Variants in MAMDC2 observed in about 807,000 individuals in gnomAD.
MAMDC2 encodes the protein MAM domain-containing protein 2.
A neutral mutation model predicts 89.8 loss-of-function variants in MAMDC2; 57 were observed. That is an observed-to-expected ratio of 0.63 (90% confidence interval 0.51 to 0.79). The LOEUF is 0.79. Ranked by LOEUF, MAMDC2 falls within the 30% of genes least tolerant of loss-of-function variation. The pLI is 0.00. For synonymous variants in MAMDC2, 313 were observed against 293.4 expected (o/e 1.07, Z -0.68); for missense variants, 800 against 820.6 (o/e 0.97, Z 0.31).
chr9:70,193,729 C>A (rs1296356882), intron 11 of MAMDC2, among the ~76,000 whole-genome samples: 1 of 152,096 alleles, frequency 6.6e-6, no homozygotes, highest in Non-Finnish European at 1.5e-5. Flanking sequence ...TCCTTGATGA[C>A]CACAGGGTAT....
chr9:70,116,672 T>TA (rs2030009387), intron 5 of MAMDC2, among the ~76,000 whole-genome samples: 1 of 147,878 alleles, frequency 6.8e-6, no homozygotes, highest in African/African-American at 2.5e-5. Context: ...CCTGGATACT[T>TA]ATAAGCACAT....
chr9:70,102,696 T>TA (rs1283879411), intron 2 of MAMDC2, among the ~76,000 whole-genome samples: 2 of 151,554 alleles, frequency 1.3e-5, no homozygotes, highest in African/African-American at 4.9e-5. Context: ...ATTGCTGACT[T>TA]ACTTTTTAAA....
chr9:70,099,192 C>A (rs1828099557), intron 2 of MAMDC2, among the ~76,000 whole-genome samples: 1 of 151,928 alleles, frequency 6.6e-6, no homozygotes. Context: ...CATTGTGAAT[C>A]TGATTAATTG....
At chr9:70,143,430 C>G (rs2031292658) in intron 8 of MAMDC2, 124 bp from the exon 9 acceptor site, 2 of 1,079,294 alleles carry the variant, frequency 1.9e-6, no homozygotes, top group Admixed American at 2.7e-5. Flanking sequence ...TTAGAAAATG[C>G]TTTCTATCAT....
intron 2 of MAMDC2, among the ~76,000 whole-genome samples, chr9:70,055,438 A>G (rs930518922): frequency 6.6e-6 from 1 of 152,196 alleles, no homozygotes; most frequent in Non-Finnish European, 1.5e-5. Context: ...CCTGGCTTGA[A>G]CTTCAAGTGG....
intron 11 of MAMDC2, among the ~76,000 whole-genome samples, chr9:70,196,686 T>C (rs1393328843): frequency 6.6e-6 from 1 of 152,100 alleles, no homozygotes; most frequent in Non-Finnish European, 1.5e-5. Context: ...AAAGCAAATC[T>C]TCAAGTCTTC....
intron 11 of MAMDC2, among the ~76,000 whole-genome samples, chr9:70,195,867 C>A (rs2032965412): frequency 1.3e-5 from 2 of 152,032 alleles, no homozygotes; most frequent in Admixed American, 1.3e-4. Flanking sequence ...AAAGAAAAAA[C>A]AATTGTATGC....
At chr9:70,175,144 C>T (rs2118551518) in intron 11 of MAMDC2, among the ~76,000 whole-genome samples, 1 of 152,286 alleles carries the variant, frequency 6.6e-6, no homozygotes, top group African/African-American at 2.4e-5. Flanking sequence ...TGAGGAAAGA[C>T]TAGGCGTGCA....
chr9:70,163,811 G>A (rs1026043664), intron 9 of MAMDC2, among the ~76,000 whole-genome samples: 11 of 151,572 alleles, frequency 7.3e-5, no homozygotes, highest in South Asian at 6.3e-4. Flanking sequence ...AAAATTAGCC[G>A]GGTGTGGTGG....
chr9:70,094,389 ACT>A (rs1339914689), intron 2 of MAMDC2, among the ~76,000 whole-genome samples: 1 of 151,978 alleles, frequency 6.6e-6, no homozygotes, highest in Non-Finnish European at 1.5e-5. Context: ...CTTCCCACAA[ACT>A]CTGCATTCCA....
chr9:70,198,154 A>G (rs1450881775), intron 11 of MAMDC2, among the ~76,000 whole-genome samples: 1 of 95,430 alleles, frequency 1.0e-5, no homozygotes. Flanking sequence ...CATAGTGTGT[A>G]TGTGTGTATA....
At chr9:70,220,166 C>G (rs2118692982) in intron 12 of MAMDC2, among the ~76,000 whole-genome samples, 1 of 152,304 alleles carries the variant, frequency 6.6e-6, no homozygotes, top group African/African-American at 2.4e-5. Flanking sequence ...TACTGATGCG[C>G]AAGTGCTCTA....
chr9:70,083,745 C>G (rs1827707701), intron 2 of MAMDC2: 2 of 150,364 alleles, frequency 1.3e-5, no homozygotes, highest in African/African-American at 4.9e-5. Flanking sequence ...AAAGTCCAGC[C>G]TATCAGGGGC....
chr9:70,113,168 T>C (rs1302565539), intron 5 of MAMDC2, 36 bp downstream of exon 5: 2 of 1,609,218 alleles, frequency 1.2e-6, no homozygotes, highest in African/African-American at 2.7e-5. Context: ...TTTCCCAGGA[T>C]AAATTTTTCT....
chr9:70,083,702 T>TC (rs1353486741), intron 2 of MAMDC2: 2 of 150,002 alleles, frequency 1.3e-5, no homozygotes, highest in South Asian at 2.2e-4. Flanking sequence ...TTCTTTCTTT[T>TC]TTTTTTTTTT....
At chr9:70,224,096 T>C (rs984520268) in intron 12 of MAMDC2, among the ~76,000 whole-genome samples, 1 of 152,184 alleles carries the variant, frequency 6.6e-6, no homozygotes, top group African/African-American at 2.4e-5. Context: ...ATGCTTATTA[T>C]GTGCACTCAG....
chr9:70,198,321 G>C (rs1210069724), intron 11 of MAMDC2, among the ~76,000 whole-genome samples: 2 of 151,914 alleles, frequency 1.3e-5, no homozygotes, highest in African/African-American at 2.4e-5. Flanking sequence ...TGTGGAACTT[G>C]AGACTACAGT....
intron 11 of MAMDC2, among the ~76,000 whole-genome samples, chr9:70,205,148 G>A (rs572466217): frequency 6.6e-6 from 1 of 152,278 alleles, no homozygotes; most frequent in South Asian, 2.1e-4. Context: ...AGGCTTCTGT[G>A]ACAAGCTTTT....
At chr9:70,082,608 T>C (rs1827678790) in intron 2 of MAMDC2, 1 of 152,152 alleles carries the variant, frequency 6.6e-6, no homozygotes, top group Non-Finnish European at 1.5e-5. Context: ...TTTTTAAATA[T>C]ATATATCCTC....
Sources: gnomAD v4.1 joint callset for allele counts (sites outside exome capture counted in the v4.1 genomes callset) on GRCh38, gnomAD v4.1.1 for gene constraint, MANE v1.5 for transcripts, NCBI Gene and HGNC (gene_info 2026-07-23, HGNC 2026-07-21) for gene names.